Variants in ECM2 observed in about 807,000 individuals in gnomAD.
ECM2 encodes extracellular matrix protein 2, female organ and adipocyte specific.
In ECM2, 57 loss-of-function variants were observed where a neutral mutation model predicts 67.5. That is an observed-to-expected ratio of 0.84 (90% CI 0.68 to 1.05). ECM2 has a LOEUF of 1.05. Among genes scored for constraint, ECM2 ranks in the 50% least tolerant of loss-of-function variants. The probability of loss-of-function intolerance (pLI) is 0.00; values close to 1 mark genes in which losing one functional copy is unlikely to be tolerated. For missense variants in ECM2, 741 were observed against 822.8 expected, an observed-to-expected ratio of 0.90 and a Z score of 1.22; for synonymous variants, 258 against 294.5, an observed-to-expected ratio of 0.88 and a Z score of 1.27.
rs534691103 is a variant in ECM2 at position 92,500,885 on chromosome 9, G to A, written c.1773C>T (p.Asn591=). 1 of 1,614,152 alleles carries A rather than the reference G, an allele frequency of 6.2e-7. No individual in the cohort carries two copies. The highest frequency in any genetic ancestry group is 1.3e-5 in the African/African-American group (1 of 75,044). The change falls in exon 9 of 10, where the codon AAC becomes AAT. Residue 591 remains asparagine (N), a synonymous_variant. Coordinates refer to ENST00000344604, the MANE Select transcript of ECM2 (RefSeq NM_001393.4). ...PGLEYLYLSF[N]KLADDGMDRV... ...GGTCCATGCCATCATCAGCAAGTTT[G>A]TTAAATGACAGGTACAAGTATTCCA... is the stretch of plus-strand genomic sequence containing the variant.
In ECM2 at chr9:92,515,121, G is replaced by A. The variant is rs1847620081; in HGVS notation, c.564C>T (p.Thr188=). 6.2e-7 allele frequency: 1 copy of A among 1,613,510 alleles called. No homozygotes were observed. ...SGDSSEQREP[T]NLLHKQLPPP... is the part of the protein sequence containing the mutation. ...GTGGCAGTTGCTTATGAAGTAAATT[G>A]GTAGGTTCTCTTTGTTCTGAAGAAT... Residue 188 remains threonine (T), a synonymous_variant, in exon 4 of 10, where the codon ACC becomes ACT. Transcript: ENST00000344604.
intron 3 of ECM2, among the ~76,000 whole-genome samples, chr9:92,516,145 C>A (rs1847704329): frequency 6.6e-6 from 1 of 151,652 alleles, no homozygotes; most frequent in African/African-American, 2.4e-5. Flanking sequence ...CTCACTGCAC[C>A]CTCCGCCTCC....
At chr9:92,548,595 A>G in the ECM2 span, among the ~76,000 whole-genome samples, 1 of 152,256 alleles carries the variant, frequency 6.6e-6, no homozygotes, top group Non-Finnish European at 1.5e-5. Flanking sequence ...TTGTCTTTAT[A>G]CAGTGAGATA....
chr9:92,551,858 T>TAA, the ECM2 span, among the ~76,000 whole-genome samples: 1 of 149,986 alleles, frequency 6.7e-6, no homozygotes, highest in Admixed American at 6.7e-5. Context: ...TATATATATA[T>TAA]AATGGAATAC....
At chr9:92,522,093 G>GTTTTT (rs1423060835) in intron 2 of ECM2, among the ~76,000 whole-genome samples, 3 of 151,600 alleles carry the variant, frequency 2.0e-5, no homozygotes, top group Non-Finnish European at 4.4e-5. Context: ...GTTTTGTTTT[G>GTTTTT]TTTTTAATCT....
intron 6 of ECM2, 128 bp downstream of exon 6, chr9:92,509,771 T>C (rs1016731673): frequency 4.4e-5 from 45 of 1,018,878 alleles, no homozygotes; most frequent in Non-Finnish European, 5.4e-5. Context: ...TTTTATCAAC[T>C]CAAATGGTTA....
chr9:92,520,760 A>G (rs188902243), intron 2 of ECM2, among the ~76,000 whole-genome samples: 5 of 152,262 alleles, frequency 3.3e-5, no homozygotes, highest in Non-Finnish European at 7.3e-5. Flanking sequence ...TAGCCATACA[A>G]TGGAATATTA....
intron 1 of ECM2, among the ~76,000 whole-genome samples, chr9:92,529,587 A>G (rs1259440389): frequency 6.6e-6 from 1 of 152,216 alleles, no homozygotes; most frequent in African/African-American, 2.4e-5. Context: ...TGGAAAAAAA[A>G]CTATGGTATA....
At chr9:92,514,242 G>A (rs1483678081) in intron 4 of ECM2, among the ~76,000 whole-genome samples, 1 of 145,770 alleles carries the variant, frequency 6.9e-6, no homozygotes, top group African/African-American at 2.5e-5. Flanking sequence ...GACTACAAGT[G>A]TATACAACTG....
At chr9:92,494,868 C>T (rs1476610716), downstream of ECM2, among the ~76,000 whole-genome samples, 2 of 152,104 alleles carry the variant, frequency 1.3e-5, no homozygotes, top group Non-Finnish European at 2.9e-5. Context: ...GATTGCACCA[C>T]TGCACTCCAG....
In ECM2 at chr9:92,504,377, G is replaced by T. The variant is rs549586722; in HGVS notation, c.1464+1156C>A. Among the ~76,000 whole-genome samples, 23 of 152,306 alleles carry T rather than the reference G, an allele frequency of 1.5e-4. 1 individual carries two copies. In the South Asian group the frequency reaches 3.3e-3, roughly 22 times the overall value. On this transcript the variant is annotated intron_variant, in intron 7 of 9. Transcript: ENST00000344604. ...TCACAATAGATGACCCTCTTTTCTGGCTTGCTGGGGCTGCAGCCGGAGAAT... is the reference window on the plus strand; with the variant it reads ...TCACAATAGATGACCCTCTTTTCTGTCTTGCTGGGGCTGCAGCCGGAGAAT...
chr9:92,497,559 G>GGTTGCAGTGAGCTGAGATCACGCC (rs1323915764), intron 9 of ECM2, among the ~76,000 whole-genome samples: 2 of 151,776 alleles, frequency 1.3e-5, no homozygotes, highest in East Asian at 1.9e-4. Context: ...GGGAGGTCGA[G>GGTTGCAGTGAGCTGAGATCACGCC]GTTGCAGTGA....
At chr9:92,508,287 G>A (rs1039153766) in intron 6 of ECM2, among the ~76,000 whole-genome samples, 5 of 152,218 alleles carry the variant, frequency 3.3e-5, no homozygotes, top group African/African-American at 7.2e-5. Context: ...AAGCACTGCC[G>A]GCATGGGGCC....
At chr9:92,521,881 A>G (rs543765201) in intron 2 of ECM2, among the ~76,000 whole-genome samples, 2 of 152,322 alleles carry the variant, frequency 1.3e-5, no homozygotes, top group Admixed American at 6.5e-5. Context: ...ATGGAAAGGT[A>G]GTTTATAAAT....
At chr9:92,556,010 T>C in the ECM2 span, among the ~76,000 whole-genome samples, 2 of 152,316 alleles carry the variant, frequency 1.3e-5, no homozygotes, top group South Asian at 2.1e-4. Flanking sequence ...TTCAGACTTT[T>C]TGATGTGGGC....
At chr9:92,505,040 TAC>T (rs1846913266) in intron 7 of ECM2, among the ~76,000 whole-genome samples, 1 of 152,238 alleles carries the variant, frequency 6.6e-6, no homozygotes, top group South Asian at 2.1e-4. Context: ...ACTTGTAAGC[TAC>T]AGAGTTGCTG....
chr9:92,512,361 A>G (rs1847405788), intron 4 of ECM2, among the ~76,000 whole-genome samples: 2 of 152,250 alleles, frequency 1.3e-5, no homozygotes, highest in Admixed American at 1.3e-4. Context: ...ATCAAGCTGT[A>G]AATATATCAT....
intron 4 of ECM2, among the ~76,000 whole-genome samples, chr9:92,513,191 C>T (rs899769882): frequency 6.6e-6 from 1 of 152,202 alleles, no homozygotes; most frequent in African/African-American, 2.4e-5. Context: ...ACACCTGGTC[C>T]TGCTGTTGTT....
Position 92,508,268 on chromosome 9 carries a change from G to A in ECM2, c.1306+1631C>T, listed in dbSNP as rs79337188. The stretch of plus-strand genomic sequence containing the variant: ...GAGTGCAGCCGGGGGTATCTGAGCC[G>A]GAGGACAGAAGCACTGCCGGCATGG... On this transcript the variant is annotated intron_variant, in intron 6 of 9. Coordinates refer to ENST00000344604, the MANE Select transcript of ECM2 (RefSeq NM_001393.4). Among the ~76,000 whole-genome samples the A allele has an allele frequency of 4.0e-3, 612 of 152,322 alleles. 15 individuals carry two copies. The East Asian group carries it at 0.049, about 12-fold the overall frequency.
Sources: gnomAD v4.1 joint callset for allele counts (sites outside exome capture counted in the v4.1 genomes callset) on GRCh38, gnomAD v4.1.1 for gene constraint, MANE v1.5 for transcripts, NCBI Gene and HGNC (gene_info 2026-07-23, HGNC 2026-07-21) for gene names.